The following SORCS3 variants were observed in gnomAD, a reference collection of about 807,000 sequenced individuals.
SORCS3 encodes the protein sortilin related VPS10 domain containing receptor 3.
SORCS3 carries 57 observed loss-of-function variants against 146.3 expected under a neutral mutation model. The ratio of observed to expected loss-of-function variants is 0.39; its 90% CI spans 0.31 to 0.49. SORCS3 has a LOEUF of 0.49. SORCS3 is among the 20% of genes least tolerant of loss of function. The pLI is 0.92. For synonymous variants in SORCS3, 653 were observed against 618.5 expected (o/e 1.06, Z -0.83); for missense variants, 1,341 against 1,575.5 (o/e 0.85, Z 2.52).
rs1158450902 is a variant in SORCS3, at chr10:104,998,127, A to T, written c.954+20634A>T. On this transcript the variant is annotated intron_variant, in intron 4 of 26. Transcript: ENST00000369701. ...AAAGAGGTTCAGTTGGGAAGAACAT[A>T]TAATTTGGTGGAAATCTCATAGTTT... Among the ~76,000 whole-genome samples the T allele has an allele frequency of 2.0e-5, 3 of 152,278 alleles. No homozygotes were observed. In the East Asian group the frequency reaches 5.8e-4, roughly 29 times the overall value.
At chr10:105,177,338 A>G (rs1298051855) in intron 13 of SORCS3, among the ~76,000 whole-genome samples, 3 of 152,202 alleles carry the variant, frequency 2.0e-5, no homozygotes, top group Non-Finnish European at 2.9e-5. Context: ...CTCAGAGGAG[A>G]TGGTCCTTGG....
intron 1 of SORCS3, among the ~76,000 whole-genome samples, chr10:104,739,941 TC>T (rs1233256070): frequency 6.6e-6 from 1 of 152,214 alleles, no homozygotes; most frequent in Non-Finnish European, 1.5e-5. Flanking sequence ...ACTTGGTACC[TC>T]TTTTGTGTAG....
intron 4 of SORCS3, among the ~76,000 whole-genome samples, chr10:105,021,610 G>T (rs1413398820): frequency 6.6e-6 from 1 of 152,094 alleles, no homozygotes; most frequent in Non-Finnish European, 1.5e-5. Flanking sequence ...TTGTAATAAT[G>T]TTCCCTGAGA....
intron 1 of SORCS3, chr10:104,665,719 T>C (rs890500552): frequency 1.3e-5 from 2 of 152,218 alleles, no homozygotes; most frequent in South Asian, 2.1e-4. Flanking sequence ...TAAACTCTCC[T>C]CTGGGATTGT....
intron 5 of SORCS3, 25 bp downstream of exon 5, chr10:105,043,153 A>G: frequency 6.3e-7 from 1 of 1,597,608 alleles, no homozygotes; most frequent in South Asian, 1.1e-5. Context: ...CACACTCATT[A>G]CTTCTTAGAT....
At chr10:104,657,334 G>C (rs1231772250) in intron 1 of SORCS3, among the ~76,000 whole-genome samples, 1 of 152,212 alleles carries the variant, frequency 6.6e-6, no homozygotes, top group Non-Finnish European at 1.5e-5. Context: ...GTGAGAATAA[G>C]TGATTGAGAT....
chr10:105,211,241 ACAG>A lies in SORCS3; in HGVS notation c.2369_2371del (p.Ser790del). On this transcript the variant is annotated inframe_deletion, in exon 17 of 27. Transcript: ENST00000369701. Reference sequence around the variant, plus strand: ...TGCAGCCTTGGTCAAAGCTACCTTAACAGCACTGGGTAAGTAAAACACCTACAG... The same window carrying A: ...TGCAGCCTTGGTCAAAGCTACCTTAACACTGGGTAAGTAAAACACCTACAG... 1.2e-6 allele frequency: 2 copies of A among 1,613,150 alleles called. No individual in the cohort carries two copies. The highest frequency in any genetic ancestry group is 1.7e-6 in the Non-Finnish European group (2 of 1,179,144).
At chr10:104,908,429 C>A (rs1481186493) in intron 2 of SORCS3, among the ~76,000 whole-genome samples, 1 of 152,156 alleles carries the variant, frequency 6.6e-6, no homozygotes, top group Non-Finnish European at 1.5e-5. Context: ...CAGCCATAAG[C>A]ATTTATGGAA....
At chr10:104,911,378 GCAGTCCCTCTTTTCAGCAGC>G (rs2018964949) in intron 2 of SORCS3, among the ~76,000 whole-genome samples, 1 of 152,234 alleles carries the variant, frequency 6.6e-6, no homozygotes, top group African/African-American at 2.4e-5. Context: ...CCTTTGTTGG[GCAGTCCCTCTTTTCAGCAGC>G]CACTTTTGGA....
intron 6 of SORCS3, among the ~76,000 whole-genome samples, chr10:105,101,019 G>T (rs2055780976): frequency 6.6e-6 from 1 of 152,144 alleles, no homozygotes; most frequent in South Asian, 2.1e-4. Flanking sequence ...TCTAGCTTCG[G>T]AGTCCTTGCT....
chr10:105,168,073 AT>A (rs949874828), intron 13 of SORCS3, among the ~76,000 whole-genome samples: 7 of 152,202 alleles, frequency 4.6e-5, no homozygotes, highest in African/African-American at 1.7e-4. Context: ...CAGTTATGGA[AT>A]AAAAAACAAC....
intron 1 of SORCS3, among the ~76,000 whole-genome samples, chr10:104,840,421 C>G (rs2018124807): frequency 6.6e-6 from 1 of 152,134 alleles, no homozygotes; most frequent in Admixed American, 6.6e-5. Flanking sequence ...TTCAACATTC[C>G]CCGGTTTTCC....
intron 7 of SORCS3, among the ~76,000 whole-genome samples, chr10:105,133,176 G>C (rs1008476225): frequency 6.6e-6 from 1 of 152,186 alleles, no homozygotes; most frequent in African/African-American, 2.4e-5. Context: ...CCCTGAAGGG[G>C]TGTGTGATGT....
intron 5 of SORCS3, among the ~76,000 whole-genome samples, chr10:105,065,186 T>C (rs1168633862): frequency 6.6e-6 from 1 of 152,230 alleles, no homozygotes; most frequent in East Asian, 1.9e-4. Context: ...GATGTGCTTG[T>C]GGTTAATTGC....
chr10:104,706,177 T>C (rs867913552), intron 1 of SORCS3, among the ~76,000 whole-genome samples: 1 of 151,220 alleles, frequency 6.6e-6, no homozygotes, highest in Non-Finnish European at 1.5e-5. Flanking sequence ...GAGTTTCTTT[T>C]GTTTGTTTGT....
In SORCS3 at chr10:105,025,676, C is replaced by T. The variant is rs1249272146; in HGVS notation, c.955-17379C>T. On this transcript the variant is annotated intron_variant, in intron 4 of 26. Coordinates refer to ENST00000369701, the MANE Select transcript of SORCS3 (RefSeq NM_014978.3). ...TGAGAGCTTTTTCTTTTAATAGTCG[C>T]CTGTTTGGTTGTTTCCCCAAATAGA... Among the ~76,000 whole-genome samples, 6 of 152,160 alleles carry T rather than the reference C, an allele frequency of 3.9e-5. No homozygotes were observed. The East Asian group carries it at 9.7e-4, about 24-fold the overall frequency.
At chr10:105,036,449 A>C (rs73338293) in intron 4 of SORCS3, among the ~76,000 whole-genome samples, 2 of 152,106 alleles carry the variant, frequency 1.3e-5, no homozygotes, top group African/African-American at 4.8e-5. Flanking sequence ...AGCCTTGCAC[A>C]TGCTGGGTGC....
In SORCS3 at chr10:105,214,497, G is replaced by A. The variant is rs758509763; in HGVS notation, c.2431G>A (p.Ala811Thr). The A allele has an allele frequency of 9.3e-6, 15 of 1,614,050 alleles. No homozygotes were observed. The highest frequency in any genetic ancestry group is 5.5e-5 in the South Asian group (5 of 91,088). Residue 811 changes from alanine to threonine, a missense_variant, in exon 18 of 27, where the codon GCC becomes ACC. Physicochemically the swap from Ala to Thr is moderately conservative, Grantham distance 58. Coordinates refer to ENST00000369701, the MANE Select transcript of SORCS3 (RefSeq NM_014978.3). ...AGATGGGCTAAGGGAGAAGTACACC[G>A]CCAAGGCCCAGATGTGCCCTGGAAA... is the stretch of plus-strand genomic sequence containing the variant. Reference protein sequence around the residue: ...CTDGLREKYTAKAQMCPGKAP... With the variant: ...CTDGLREKYTTKAQMCPGKAP...
intron 4 of SORCS3, among the ~76,000 whole-genome samples, chr10:105,022,503 A>G (rs1028898585): frequency 6.6e-6 from 1 of 151,776 alleles, no homozygotes; most frequent in Non-Finnish European, 1.5e-5. Context: ...GGTTTTTACT[A>G]TGATGGCCAG....
Sources: gnomAD v4.1 joint callset for allele counts (sites outside exome capture counted in the v4.1 genomes callset) on GRCh38, gnomAD v4.1.1 for gene constraint, MANE v1.5 for transcripts, NCBI Gene and HGNC (gene_info 2026-07-23, HGNC 2026-07-21) for gene names.